ADGRL3: variants seen among roughly 807,000 people sequenced by gnomAD.
ADGRL3 encodes adhesion G protein-coupled receptor L3.
In ADGRL3, 62 loss-of-function variants were observed where a neutral mutation model predicts 153.5. The ratio of observed to expected loss-of-function variants is 0.40; its 90% CI spans 0.33 to 0.50. The LOEUF is 0.50. Among genes scored for constraint, ADGRL3 ranks in the 20% least tolerant of loss-of-function variants. The probability of loss-of-function intolerance (pLI) is 0.47; values close to 1 mark genes in which losing one functional copy is unlikely to be tolerated. For missense variants in ADGRL3, 1,641 were observed against 1,859.4 expected (o/e 0.88, Z 2.16); for synonymous variants, 710 against 672.5 (o/e 1.06, Z -0.86).
rs539351458 is a variant in ADGRL3, at chr4:61,709,526, G to A, written c.584-21096G>A. On this transcript the variant is annotated intron_variant, in intron 6 of 26. Transcript: ENST00000683033. ...AGCATCACAATAAGCCAAGGAGGTA[G>A]AGATCTTTATTATATTTTTATTTAA... is the stretch of plus-strand genomic sequence containing the variant. Among the ~76,000 whole-genome samples the A allele has an allele frequency of 9.2e-5, 14 of 152,236 alleles. No homozygotes were observed. The South Asian group carries it at 2.1e-3, about 23-fold the overall frequency.
intron 9 of ADGRL3, among the ~76,000 whole-genome samples, chr4:61,839,376 G>A (rs1486282727): frequency 6.6e-6 from 1 of 151,268 alleles, no homozygotes; most frequent in Non-Finnish European, 1.5e-5. Flanking sequence ...TTAATTTTTT[G>A]TAGATACAGA....
At chr4:61,864,167 T>C (rs192889022) in intron 9 of ADGRL3, among the ~76,000 whole-genome samples, 53 of 152,328 alleles carry the variant, frequency 3.5e-4, no homozygotes, top group Non-Finnish European at 5.7e-4. Context: ...TGAGTAAAAC[T>C]TCTTAGTTTT....
intron 5 of ADGRL3, among the ~76,000 whole-genome samples, chr4:61,607,960 T>C (rs1016555304): frequency 2.0e-5 from 3 of 152,204 alleles, no homozygotes; most frequent in Non-Finnish European, 2.9e-5. Flanking sequence ...AGAAGCAAGA[T>C]GGAGTCAACC....
intron 5 of ADGRL3, among the ~76,000 whole-genome samples, chr4:61,619,633 G>A (rs2092352564): frequency 6.6e-6 from 1 of 151,982 alleles, no homozygotes; most frequent in Admixed American, 6.6e-5. Context: ...TTTTGATTCA[G>A]TTTTTCCCTG....
chr4:61,526,690 G>A (rs1215002123), intron 4 of ADGRL3, among the ~76,000 whole-genome samples: 3 of 151,970 alleles, frequency 2.0e-5, no homozygotes, highest in Admixed American at 1.3e-4. Flanking sequence ...TTTGAGCCCA[G>A]GAGTTTGAGG....
At chr4:61,474,956 A>G (rs905703408) in intron 2 of ADGRL3, among the ~76,000 whole-genome samples, 1 of 152,198 alleles carries the variant, frequency 6.6e-6, no homozygotes, top group Non-Finnish European at 1.5e-5. Flanking sequence ...GCCCAATTGC[A>G]CAGTTACATT....
intron 25 of ADGRL3, among the ~76,000 whole-genome samples, chr4:62,048,242 T>C (rs961466039): frequency 6.6e-6 from 1 of 151,904 alleles, no homozygotes; most frequent in Non-Finnish European, 1.5e-5. Context: ...TATCTATTTA[T>C]TTACTTTTAT....
intron 8 of ADGRL3, among the ~76,000 whole-genome samples, chr4:61,750,194 A>T (rs1254107521): frequency 6.6e-6 from 1 of 151,070 alleles, no homozygotes; most frequent in African/African-American, 2.4e-5. Flanking sequence ...AAAAAAAAAA[A>T]AAAAAAAAAA....
chr4:61,389,439 C>T lies in ADGRL3; in HGVS notation c.-174+6250C>T, dbSNP rs531285346. 4.6e-5 allele frequency among the ~76,000 whole-genome samples: 7 copies of T among 152,000 alleles called. No individual in the cohort carries two copies. The South Asian group carries it at 1.2e-3, about 27-fold the overall frequency. ...CTTTTATACACTTTTTATACAGTAA[C>T]GATGTAATGTCTTCACAGAAATAGT... is the stretch of plus-strand genomic sequence containing the variant. On this transcript the variant is annotated intron_variant, in intron 2 of 26. Transcript: ENST00000683033.
chr4:61,595,473 A>T (rs980388293), intron 5 of ADGRL3, among the ~76,000 whole-genome samples: 3 of 151,674 alleles, frequency 2.0e-5, no homozygotes, highest in Non-Finnish European at 4.4e-5. Flanking sequence ...TATGGCCTGG[A>T]ATGGGGGCCT....
At chr4:61,440,246 G>A (rs2097511777) in intron 2 of ADGRL3, among the ~76,000 whole-genome samples, 1 of 151,944 alleles carries the variant, frequency 6.6e-6, no homozygotes, top group Non-Finnish European at 1.5e-5. Flanking sequence ...CCAGGGTTTC[G>A]CCAATGTTGG....
At chr4:61,429,841 G>T (rs923052372) in intron 2 of ADGRL3, among the ~76,000 whole-genome samples, 2 of 152,122 alleles carry the variant, frequency 1.3e-5, no homozygotes, top group African/African-American at 4.8e-5. Context: ...TTTCCTTGGT[G>T]AGTGCTTTAC....
At chr4:61,553,819 C>A (rs927050649) in intron 4 of ADGRL3, among the ~76,000 whole-genome samples, 3 of 152,120 alleles carry the variant, frequency 2.0e-5, no homozygotes, top group African/African-American at 7.2e-5. Flanking sequence ...CTAACTCCTA[C>A]AATTCACATC....
chr4:61,775,590 C>T (rs929944402), intron 8 of ADGRL3: 10 of 1,004,568 alleles, frequency 1.0e-5, no homozygotes, highest in Non-Finnish European at 1.6e-5. Flanking sequence ...CTACCCTTTC[C>T]CCTAGTTTCT....
intron 1 of ADGRL3, among the ~76,000 whole-genome samples, chr4:61,377,130 T>A (rs2096612910): frequency 6.6e-6 from 1 of 151,950 alleles, no homozygotes; most frequent in Non-Finnish European, 1.5e-5. Context: ...GCCTTTACCT[T>A]CCCTATCATA....
At chr4:61,595,490 T>A (rs1382962616) in intron 5 of ADGRL3, among the ~76,000 whole-genome samples, 2 of 151,968 alleles carry the variant, frequency 1.3e-5, no homozygotes, top group Admixed American at 1.3e-4. Flanking sequence ...GCCTTATGAT[T>A]CTGCCCGGCG....
intron 4 of ADGRL3, among the ~76,000 whole-genome samples, chr4:61,571,972 A>G (rs1370440772): frequency 6.6e-6 from 1 of 152,222 alleles, no homozygotes; most frequent in Non-Finnish European, 1.5e-5. Flanking sequence ...TGTTTGTTGA[A>G]TGAATGGTTG....
At chr4:61,686,260 A>C (rs927564123) in intron 6 of ADGRL3, among the ~76,000 whole-genome samples, 8 of 152,156 alleles carry the variant, frequency 5.3e-5, no homozygotes, top group Non-Finnish European at 7.4e-5. Flanking sequence ...ATAGTAAAAG[A>C]CATACAAAGG....
chr4:61,886,297 C>A (rs1465647786), intron 9 of ADGRL3, among the ~76,000 whole-genome samples: 2 of 152,142 alleles, frequency 1.3e-5, no homozygotes, highest in African/African-American at 2.4e-5. Flanking sequence ...CAGGGCACTG[C>A]ACAAGTAGCC....
Sources: gnomAD v4.1 joint callset for allele counts (sites outside exome capture counted in the v4.1 genomes callset) on GRCh38, gnomAD v4.1.1 for gene constraint, MANE v1.5 for transcripts, NCBI Gene and HGNC (gene_info 2026-07-23, HGNC 2026-07-21) for gene names.